The following PLPP4 variants were observed in gnomAD, a reference collection of about 807,000 sequenced individuals.
PLPP4 encodes phospholipid phosphatase 4.
A neutral mutation model predicts 32.2 loss-of-function variants in PLPP4; 20 were observed. The ratio of observed to expected loss-of-function variants is 0.62; its 90% CI spans 0.44 to 0.90. The LOEUF (loss-of-function observed/expected upper bound fraction) is 0.90, where lower values mean the gene tolerates loss of function less well. PLPP4 is among the 40% of genes least tolerant of loss of function. The probability of loss-of-function intolerance (pLI) is 0.00; values close to 1 mark genes in which losing one functional copy is unlikely to be tolerated. For missense variants in PLPP4, 257 were observed against 353.1 expected (o/e 0.73, Z 2.18); for synonymous variants, 127 against 133.0 (o/e 0.95, Z 0.31).
intron 5 of PLPP4, among the ~76,000 whole-genome samples, chr10:120,549,622 C>T (rs931567551): frequency 4.0e-5 from 6 of 151,864 alleles, no homozygotes; most frequent in Non-Finnish European, 7.4e-5. Context: ...ACAGAATTCT[C>T]AAATTATCAA....
rs573646698 is a variant in PLPP4 at position 120,560,618 on chromosome 10, C to T, written c.446-14513C>T. 3.3e-5 allele frequency among the ~76,000 whole-genome samples: 5 copies of T among 152,074 alleles called. No individual in the cohort carries two copies. The East Asian group carries it at 5.8e-4, about 18-fold the overall frequency. On this transcript the variant is annotated intron_variant, in intron 5 of 6. Transcript: ENST00000398250. ...AAAAATACAAAAATTAGCTGGATAC[C>T]GTGGTGTGCACCTGTAATCCCAGCT...
intron 6 of PLPP4, among the ~76,000 whole-genome samples, chr10:120,581,596 A>G (rs890545580): frequency 6.6e-6 from 1 of 152,184 alleles, no homozygotes; most frequent in East Asian, 1.9e-4. Flanking sequence ...ACATGATTGC[A>G]TCGCTTGAGC....
In PLPP4 at chr10:120,589,596, C is replaced by A; in HGVS notation, c.*94C>A. 1 of 983,218 alleles carries A rather than the reference C, an allele frequency of 1.0e-6. No homozygotes were observed. The highest frequency in any genetic ancestry group is 1.5e-6 in the Non-Finnish European group (1 of 671,606). The allele number at this position is 983,218 out of a possible 1,614,324, so 60.9% of individuals were successfully genotyped here. A position where few individuals can be genotyped will look rare whatever the true frequency, so the allele number is the denominator to read the frequency against. ...AAATGGTTTTCTGTAGTGTATTTTT[C>A]ATCAGTTGTTTCTCAAAGTCATCGT... On this transcript the variant is annotated 3_prime_UTR_variant, in exon 7 of 7. Transcript: ENST00000398250.
At chr10:120,582,044 G>T (rs144835973) in intron 6 of PLPP4, among the ~76,000 whole-genome samples, 2 of 152,130 alleles carry the variant, frequency 1.3e-5, no homozygotes, top group Non-Finnish European at 2.9e-5. Context: ...GTTTGCTGGC[G>T]TCTGCACTAG....
At chr10:120,567,147 G>A (rs953055392) in intron 5 of PLPP4, among the ~76,000 whole-genome samples, 7 of 151,934 alleles carry the variant, frequency 4.6e-5, no homozygotes, top group South Asian at 2.1e-4. Context: ...TTAATATTTC[G>A]TCTAACATTT....
At chr10:120,516,799 C>G (rs551966045) in intron 3 of PLPP4, among the ~76,000 whole-genome samples, 3 of 152,164 alleles carry the variant, frequency 2.0e-5, no homozygotes, top group Non-Finnish European at 1.5e-5. Flanking sequence ...TTTCATGGGT[C>G]TGATCCCAGC....
intron 1 of PLPP4, among the ~76,000 whole-genome samples, chr10:120,479,242 A>G (rs1432663984): frequency 6.6e-6 from 1 of 150,702 alleles, no homozygotes; most frequent in Non-Finnish European, 1.5e-5. Context: ...AAACAAAACA[A>G]AAACAAACCA....
At chr10:120,555,324 A>G (rs898563655) in intron 5 of PLPP4, among the ~76,000 whole-genome samples, 3 of 152,092 alleles carry the variant, frequency 2.0e-5, no homozygotes, top group African/African-American at 4.8e-5. Context: ...GCTGTCCCCA[A>G]CTGGCTTTTT....
At chr10:120,580,917 G>A in intron 6 of PLPP4, 1 of 1,289,324 alleles carries the variant, frequency 7.8e-7, no homozygotes, top group Non-Finnish European at 1.0e-6. Flanking sequence ...GTGTATGGCA[G>A]GGCCCACAGT....
chr10:120,476,676 C>T (rs1843932388), intron 1 of PLPP4, among the ~76,000 whole-genome samples: 1 of 152,168 alleles, frequency 6.6e-6, no homozygotes, highest in African/African-American at 2.4e-5. Context: ...CATCAGGAGC[C>T]AGAATGTGTG....
intron 1 of PLPP4, among the ~76,000 whole-genome samples, chr10:120,459,637 G>GA (rs1449016539): frequency 6.6e-6 from 1 of 152,206 alleles, no homozygotes. Flanking sequence ...TGGGCAGGCT[G>GA]AATCCGATTT....
At chr10:120,484,167 C>CT (rs1392178841) in intron 1 of PLPP4, among the ~76,000 whole-genome samples, 1 of 152,136 alleles carries the variant, frequency 6.6e-6, no homozygotes, top group Non-Finnish European at 1.5e-5. Flanking sequence ...CTTTTTGTCT[C>CT]TTTTTTTCTA....
intron 5 of PLPP4, among the ~76,000 whole-genome samples, chr10:120,529,423 T>C (rs1381343952): frequency 2.0e-5 from 3 of 152,212 alleles, no homozygotes; most frequent in Non-Finnish European, 2.9e-5. Context: ...AAGTTCCTGG[T>C]CTGAATAAGT....
intron 5 of PLPP4, among the ~76,000 whole-genome samples, chr10:120,563,093 G>A (rs147443399): frequency 6.6e-6 from 1 of 152,134 alleles, no homozygotes; most frequent in Admixed American, 6.5e-5. Flanking sequence ...ACAAAAATTA[G>A]CCAGGCATGT....
chr10:120,574,543 CT>C (rs1218813047), intron 5 of PLPP4, among the ~76,000 whole-genome samples: 1 of 152,222 alleles, frequency 6.6e-6, no homozygotes, highest in African/African-American at 2.4e-5. Flanking sequence ...TTTGTCATCG[CT>C]GACTTCTCCA....
At chr10:120,587,898 C>T (rs920693741) in intron 6 of PLPP4, among the ~76,000 whole-genome samples, 2 of 152,208 alleles carry the variant, frequency 1.3e-5, no homozygotes, top group South Asian at 4.1e-4. Flanking sequence ...AAAACCATTG[C>T]CTCCTACCTG....
At chr10:120,508,153 T>G (rs1437324701) in intron 2 of PLPP4, among the ~76,000 whole-genome samples, 1 of 152,124 alleles carries the variant, frequency 6.6e-6, no homozygotes, top group Admixed American at 6.5e-5. Flanking sequence ...ATAGGATGCT[T>G]CTAAGGAAGG....
intron 1 of PLPP4, among the ~76,000 whole-genome samples, chr10:120,501,405 G>C (rs1845243526): frequency 1.3e-5 from 2 of 152,178 alleles, no homozygotes; most frequent in South Asian, 4.1e-4. Flanking sequence ...CTTTAGGCTA[G>C]AGTAAAATGA....
intron 6 of PLPP4, among the ~76,000 whole-genome samples, chr10:120,588,353 A>G (rs1285309816): frequency 6.6e-6 from 1 of 151,724 alleles, no homozygotes; most frequent in African/African-American, 2.4e-5. Context: ...CTGCAGATGC[A>G]CCCCCCTGCC....
Sources: gnomAD v4.1 joint callset for allele counts (sites outside exome capture counted in the v4.1 genomes callset) on GRCh38, gnomAD v4.1.1 for gene constraint, MANE v1.5 for transcripts, NCBI Gene and HGNC (gene_info 2026-07-23, HGNC 2026-07-21) for gene names.